Variants in SP4 observed in about 807,000 individuals in gnomAD.
The protein encoded by SP4 is Sp4 transcription factor.
SP4 carries 19 observed loss-of-function variants against 72.8 expected under a neutral mutation model. That is an observed-to-expected ratio of 0.26 (90% CI 0.18 to 0.38). SP4 has a LOEUF of 0.38. Among genes scored for constraint, SP4 ranks in the 10% least tolerant of loss-of-function variants. The pLI, the probability that SP4 is intolerant of heterozygous loss-of-function variation, is 1.00. For synonymous variants in SP4, 395 were observed against 333.1 expected, an observed-to-expected ratio of 1.19 and a Z score of -2.02; for missense variants, 1,008 against 926.3, an observed-to-expected ratio of 1.09 and a Z score of -1.14.
At chr7:21,458,400 T>G (rs926964806) in intron 3 of SP4, among the ~76,000 whole-genome samples, 4 of 152,114 alleles carry the variant, frequency 2.6e-5, no homozygotes, top group Admixed American at 2.0e-4. Context: ...GCCAGGCTGG[T>G]CTTGAACTCC....
At chr7:21,461,434 G>A (rs1783977185) in intron 3 of SP4, among the ~76,000 whole-genome samples, 1 of 152,222 alleles carries the variant, frequency 6.6e-6, no homozygotes, top group Admixed American at 6.5e-5. Flanking sequence ...CAGTGGGCCA[G>A]TACTGCTGGG....
At chr7:21,434,129 C>T (rs1026318631) in intron 3 of SP4, among the ~76,000 whole-genome samples, 12 of 152,066 alleles carry the variant, frequency 7.9e-5, no homozygotes, top group African/African-American at 2.7e-4. Flanking sequence ...TCATGTTGTT[C>T]CCCAGGAGAA....
At chr7:21,469,319 CA>C (rs1443275482) in intron 3 of SP4, among the ~76,000 whole-genome samples, 4 of 152,194 alleles carry the variant, frequency 2.6e-5, no homozygotes, top group African/African-American at 9.6e-5. Context: ...CTTAGATCAT[CA>C]CATCAAAATG....
chr7:21,507,989 G>A (rs1363881810), intron 5 of SP4, among the ~76,000 whole-genome samples: 1 of 152,084 alleles, frequency 6.6e-6, no homozygotes, highest in Non-Finnish European at 1.5e-5. Flanking sequence ...CACCAAGACA[G>A]TACTTACAGT....
At chr7:21,496,227 C>G (rs1781702657) in intron 5 of SP4, among the ~76,000 whole-genome samples, 1 of 151,676 alleles carries the variant, frequency 6.6e-6, no homozygotes. Context: ...AACTCTATAC[C>G]AAAAAAATGA....
chr7:21,428,188 G>GCCCCCCCCCCCCCCCCCCCCCC lies in SP4; in HGVS notation c.-59_-58insCCCCCCCCCCCCCCCCCCCCCC. 1 of 371,882 alleles carries GCCCCCCCCCCCCCCCCCCCCCC rather than the reference G, an allele frequency of 2.7e-6. No homozygotes were observed. The highest frequency in any genetic ancestry group is 4.4e-5 in the Admixed American group (1 of 22,942). The allele number at this position is 371,882 out of a possible 1,614,324, so 23.0% of individuals were successfully genotyped here. A position where few individuals can be genotyped will look rare whatever the true frequency, so the allele number is the denominator to read the frequency against. On this transcript the variant is annotated 5_prime_UTR_variant, in exon 1 of 6. Transcript: ENST00000222584. ...CGGGACCGGCCTCTCCTCCCGCCTC[G>GCCCCCCCCCCCCCCCCCCCCCC]CCCCCACCCCCACCCACCTCTATCC...
chr7:21,461,412 C>G (rs533838149), intron 3 of SP4, among the ~76,000 whole-genome samples: 1 of 152,168 alleles, frequency 6.6e-6, no homozygotes, highest in Non-Finnish European at 1.5e-5. Flanking sequence ...GGCGAGAAAT[C>G]GAGCGCAGCG....
intron 3 of SP4, among the ~76,000 whole-genome samples, chr7:21,448,455 T>C (rs1216063561): frequency 6.6e-6 from 1 of 152,188 alleles, no homozygotes; most frequent in Non-Finnish European, 1.5e-5. Flanking sequence ...GATAATTATA[T>C]AGATTTAACT....
intron 5 of SP4, among the ~76,000 whole-genome samples, chr7:21,504,583 T>C (rs1781947891): frequency 6.6e-6 from 1 of 152,220 alleles, no homozygotes; most frequent in African/African-American, 2.4e-5. Context: ...TGGTTTGTTA[T>C]TCTATGATAT....
chr7:21,495,505 A>G (rs928143181), intron 5 of SP4, among the ~76,000 whole-genome samples: 6 of 152,098 alleles, frequency 3.9e-5, no homozygotes, highest in Admixed American at 2.0e-4. Flanking sequence ...GATATCATCT[A>G]TTAGGGAAAT....
At chr7:21,499,089 A>C (rs990636727) in intron 5 of SP4, among the ~76,000 whole-genome samples, 1 of 151,914 alleles carries the variant, frequency 6.6e-6, no homozygotes, top group Admixed American at 6.5e-5. Flanking sequence ...CAAAAAAAAA[A>C]AAAAAAAAAA....
intron 3 of SP4, among the ~76,000 whole-genome samples, chr7:21,438,390 T>C (rs1285569254): frequency 6.6e-6 from 1 of 152,194 alleles, no homozygotes; most frequent in Admixed American, 6.5e-5. Context: ...GTGGGTGATA[T>C]TTACCATTTT....
chr7:21,471,043 T>C (rs1295128627), intron 3 of SP4: 1 of 534,372 alleles, frequency 1.9e-6, no homozygotes, highest in Non-Finnish European at 3.8e-6. Flanking sequence ...GGAGAATGTG[T>C]TGGATTCCAG....
chr7:21,428,199 C>CCCCCCCCCAAAA lies in SP4; in HGVS notation c.-53_-52insCCCCCCCCAAAA. The stretch of plus-strand genomic sequence containing the variant: ...TCTCCTCCCGCCTCGCCCCCACCCC[C>CCCCCCCCCAAAA]ACCCACCTCTATCCCAGTGTCTCCG... On this transcript the variant is annotated 5_prime_UTR_variant, in exon 1 of 6. Transcript: ENST00000222584. 1 of 1,119,138 alleles carries CCCCCCCCCAAAA rather than the reference C, an allele frequency of 8.9e-7. No individual in the cohort carries two copies. Among genetic ancestry groups the CCCCCCCCCAAAA allele is most frequent in the Non-Finnish European group, 1.3e-6 (1 of 767,808 alleles). 69.3% of individuals were successfully genotyped at this position (1,119,138 alleles called of 1,614,324 possible). A position where few individuals can be genotyped will look rare whatever the true frequency, so the allele number is the denominator to read the frequency against.
At chr7:21,497,610 A>C (rs576318653) in intron 5 of SP4, among the ~76,000 whole-genome samples, 1 of 152,262 alleles carries the variant, frequency 6.6e-6, no homozygotes, top group East Asian at 1.9e-4. Context: ...TTCTTTCTGA[A>C]GCATCATAAG....
At chr7:21,428,531 C>G in intron 1 of SP4, 146 bp from the exon 2 acceptor site, 2 of 940,116 alleles carry the variant, frequency 2.1e-6, no homozygotes, top group Admixed American at 2.7e-5. Flanking sequence ...CCTCCTTCTC[C>G]CCCACCCCCT....
intron 3 of SP4, among the ~76,000 whole-genome samples, chr7:21,438,704 A>G (rs1783131525): frequency 6.6e-6 from 1 of 152,164 alleles, no homozygotes; most frequent in Non-Finnish European, 1.5e-5. Flanking sequence ...ATTCTAGAAA[A>G]AAACAATTTA....
At chr7:21,441,519 A>C (rs1186774664) in intron 3 of SP4, among the ~76,000 whole-genome samples, 1 of 152,210 alleles carries the variant, frequency 6.6e-6, no homozygotes, top group Admixed American at 6.5e-5. Context: ...AATAATAATA[A>C]ATAAATTTGA....
At chr7:21,437,559 A>T (rs1161416270) in intron 3 of SP4, among the ~76,000 whole-genome samples, 1 of 152,144 alleles carries the variant, frequency 6.6e-6, no homozygotes, top group African/African-American at 2.4e-5. Flanking sequence ...TTCAAATATG[A>T]GACAAAGCTG....
Sources: allele counts gnomAD v4.1 joint callset (sites outside exome capture counted in the v4.1 genomes callset), GRCh38; gene constraint gnomAD v4.1.1; transcripts MANE v1.5; gene names NCBI Gene and HGNC (gene_info 2026-07-23, HGNC 2026-07-21).